RUBCN: variants seen among roughly 807,000 people sequenced by gnomAD.
The protein encoded by RUBCN is rubicon autophagy regulator, also known as run domain Beclin-1-interacting and cysteine-rich domain-containing protein.
RUBCN carries 74 observed loss-of-function variants against 113.2 expected under a neutral mutation model. That is an observed-to-expected ratio of 0.65 (90% CI 0.54 to 0.79). RUBCN has a LOEUF of 0.79. RUBCN is among the 30% of genes least tolerant of loss of function. RUBCN has a pLI of 0.00. For synonymous variants in RUBCN, 480 were observed against 490.0 expected, an observed-to-expected ratio of 0.98 and a Z score of 0.27; for missense variants, 1,109 against 1,251.7, an observed-to-expected ratio of 0.89 and a Z score of 1.72.
rs752087606 is a variant in RUBCN at position 197,670,683 on chromosome 3, TCTC to T, written c.*4332_*4334del. Among the ~76,000 whole-genome samples, 2 of 152,236 alleles carry T rather than the reference TCTC, an allele frequency of 1.3e-5. No homozygotes were observed. The highest frequency in any genetic ancestry group is 2.1e-4 in the South Asian group (1 of 4,832). On this transcript the variant is annotated 3_prime_UTR_variant, in exon 20 of 20. Transcript: ENST00000296343. ...GCAGTCTTTCACATGGCTTTTTCAT[TCTC>T]CTCTCAGTTTAATTTGTAAATATGA...
At chr3:197,721,809 A>G (rs1296969704) in intron 1 of RUBCN, among the ~76,000 whole-genome samples, 1 of 152,022 alleles carries the variant, frequency 6.6e-6, no homozygotes, top group African/African-American at 2.4e-5. Flanking sequence ...GTCTCAATAA[A>G]TTTTCTAATT....
Position 197,675,964 on chromosome 3 carries a change from T to A in RUBCN, c.2647-449A>T, listed in dbSNP as rs937853746. ...TTCCTCCCAGACACACAGGGTTTCCTACCTGTGCCCAGCTCGAATTATGGG... is the reference window on the plus strand; with the variant it reads ...TTCCTCCCAGACACACAGGGTTTCCAACCTGTGCCCAGCTCGAATTATGGG... On this transcript the variant is annotated intron_variant, in intron 18 of 19. Transcript: ENST00000296343. This position sits in a 1 kb window ranked among gnomAD's most constrained non-coding sequence, Gnocchi z 4.4. Among the ~76,000 whole-genome samples, 3 of 152,218 alleles carry A rather than the reference T, an allele frequency of 2.0e-5. No homozygotes were observed. The highest frequency in any genetic ancestry group is 7.2e-5 in the African/African-American group (3 of 41,458).
Position 197,701,700 on chromosome 3 carries a change from C to T in RUBCN, c.727+8G>A, listed in dbSNP as rs1302848821. Reference sequence around the variant, plus strand: ...AAATGTAATGACCACTTTTTCCTGTCCCCATACCTGAGCCATTGTTGGGCA... The same window carrying T: ...AAATGTAATGACCACTTTTTCCTGTTCCCATACCTGAGCCATTGTTGGGCA... On this transcript the variant is annotated splice_region_variant and intron_variant, in intron 6 of 19. Coordinates refer to ENST00000296343, the MANE Select transcript of RUBCN (RefSeq NM_014687.4). 1 of 1,613,404 alleles carries T rather than the reference C, an allele frequency of 6.2e-7. No homozygotes were observed. The highest frequency in any genetic ancestry group is 8.5e-7 in the Non-Finnish European group (1 of 1,179,518).
upstream of RUBCN, among the ~76,000 whole-genome samples, chr3:197,741,402 A>G (rs1180163158): frequency 6.6e-6 from 1 of 152,264 alleles, no homozygotes; most frequent in African/African-American, 2.4e-5. Context: ...TAAAGCTTAT[A>G]GTAGTTCATC....
intron 9 of RUBCN, among the ~76,000 whole-genome samples, chr3:197,694,988 A>G (rs1321809814): frequency 3.3e-5 from 5 of 152,248 alleles, no homozygotes; most frequent in African/African-American, 1.2e-4. Context: ...CAAAAGATAG[A>G]ATTTGATTCT....
intron 1 of RUBCN, among the ~76,000 whole-genome samples, chr3:197,730,040 C>T (rs926945186): frequency 6.6e-6 from 1 of 152,162 alleles, no homozygotes; most frequent in East Asian, 1.9e-4. Flanking sequence ...CAGGGTGAGG[C>T]TATCTGGAAT....
chr3:197,697,679 G>A (rs928420198), intron 7 of RUBCN, among the ~76,000 whole-genome samples: 1 of 152,158 alleles, frequency 6.6e-6, no homozygotes. Context: ...AGCGAGAGCT[G>A]GGAGGGAGAA....
chr3:197,696,847 T>C, intron 8 of RUBCN, 107 bp downstream of exon 8: 1 of 717,208 alleles, frequency 1.4e-6, no homozygotes, highest in Non-Finnish European at 2.6e-6. Context: ...TGTAACAGTG[T>C]GTACCCTCCA....
At chr3:197,720,205 C>A (rs1423452861) in intron 1 of RUBCN, among the ~76,000 whole-genome samples, 1 of 152,204 alleles carries the variant, frequency 6.6e-6, no homozygotes, top group East Asian at 1.9e-4. Flanking sequence ...CTGGCAACCA[C>A]TATTCCACTC....
At position 197,674,908 on chromosome 3, in the gene RUBCN, T is replaced by TAAAAAAAAAAAAAAAAAAAAAAAAAAAA; in HGVS notation, c.*109_*110insTTTTTTTTTTTTTTTTTTTTTTTTTTTT. 1.6e-6 allele frequency: 1 copy of TAAAAAAAAAAAAAAAAAAAAAAAAAAAA among 625,652 alleles called. No individual in the cohort carries two copies. 38.8% of individuals were successfully genotyped at this position (625,652 alleles called of 1,614,324 possible). A position where few individuals can be genotyped will look rare whatever the true frequency, so the allele number is the denominator to read the frequency against. On this transcript the variant is annotated 3_prime_UTR_variant, in exon 20 of 20. Transcript: ENST00000296343. ...AAAAAAAAAAAAAGATGATGATAAT[T>TAAAAAAAAAAAAAAAAAAAAAAAAAAAA]AAAAAAAAAAAAAAAAAAAGAAGCC...
intron 1 of RUBCN, among the ~76,000 whole-genome samples, chr3:197,718,943 C>T (rs913827084): frequency 6.6e-6 from 1 of 152,162 alleles, no homozygotes; most frequent in African/African-American, 2.4e-5. Flanking sequence ...ATGATTATAC[C>T]GTAAGAAACG....
At chr3:197,729,397 C>T (rs899179144) in intron 1 of RUBCN, among the ~76,000 whole-genome samples, 18 of 151,850 alleles carry the variant, frequency 1.2e-4, no homozygotes, top group Admixed American at 9.8e-4. Context: ...GGACTACAGG[C>T]GCCCGCCACC....
intron 1 of RUBCN, among the ~76,000 whole-genome samples, chr3:197,735,764 G>T (rs59446505): frequency 0.032 from 4,888 of 151,964 alleles, 255 homozygotes; most frequent in African/African-American, 0.11. Flanking sequence ...GCTAATTTTT[G>T]TATTTTTGTA....
At chr3:197,696,845 T>A in intron 8 of RUBCN, 109 bp downstream of exon 8, 1 of 713,454 alleles carries the variant, frequency 1.4e-6, no homozygotes, top group Non-Finnish European at 2.6e-6. Context: ...ACTGTAACAG[T>A]GTGTACCCTC....
rs997854205 is a variant in RUBCN at position 197,704,914 on chromosome 3, T to A, written c.303+178A>T. 1.2e-4 allele frequency among the ~76,000 whole-genome samples: 18 copies of A among 151,764 alleles called. 1 individual carries two copies. The highest frequency in any genetic ancestry group is 9.8e-4 in the Admixed American group (15 of 15,238). Reference sequence around the variant, plus strand: ...AGTGGCCTGGACCAATGGGTTTGCATGTTTTTTTTTTTTAAGCAAATAAAG... The same window carrying A: ...AGTGGCCTGGACCAATGGGTTTGCAAGTTTTTTTTTTTTAAGCAAATAAAG... On this transcript the variant is annotated intron_variant, in intron 3 of 19. Transcript: ENST00000296343.
chr3:197,674,784 T>G lies in RUBCN; in HGVS notation c.*234A>C. ...TGAAGGACCCGCATGTCAGTTCTGATGGAAACACCTGGTGTTTACAAATTA... is the reference window on the plus strand; with the variant it reads ...TGAAGGACCCGCATGTCAGTTCTGAGGGAAACACCTGGTGTTTACAAATTA... On this transcript the variant is annotated 3_prime_UTR_variant, in exon 20 of 20. Coordinates refer to ENST00000296343, the MANE Select transcript of RUBCN (RefSeq NM_014687.4). 1.9e-6 allele frequency: 1 copy of G among 532,134 alleles called. No homozygotes were observed. The highest frequency in any genetic ancestry group is 2.0e-5 in the African/African-American group (1 of 50,810). The allele number at this position is 532,134 out of a possible 1,614,324, so 33.0% of individuals were successfully genotyped here.
intron 1 of RUBCN, among the ~76,000 whole-genome samples, chr3:197,741,950 T>C (rs1045995390): frequency 7.9e-5 from 12 of 151,538 alleles, no homozygotes; most frequent in Non-Finnish European, 1.5e-4. Flanking sequence ...CAGGCTGGAG[T>C]GCAGTGGCGC....
intron 11 of RUBCN, among the ~76,000 whole-genome samples, chr3:197,693,201 C>A (rs1560422688): frequency 6.6e-6 from 1 of 152,168 alleles, no homozygotes; most frequent in African/African-American, 2.4e-5. Flanking sequence ...CCACCACCAC[C>A]AATAAAAACA....
intron 9 of RUBCN, 76 bp from the exon 10 acceptor site, chr3:197,694,661 G>C: frequency 1.5e-6 from 2 of 1,309,932 alleles, no homozygotes; most frequent in Non-Finnish European, 2.2e-6. Flanking sequence ...GTGGAAAAGG[G>C]AGTTTCCAAG....
Sources: gnomAD v4.1 joint callset for allele counts (sites outside exome capture counted in the v4.1 genomes callset) on GRCh38, gnomAD v4.1.1 for gene constraint, Gnocchi (gnomAD v3.1) non-coding constraint, MANE v1.5 for transcripts, NCBI Gene and HGNC (gene_info 2026-07-23, HGNC 2026-07-21) for gene names.